Variants in APP observed in about 807,000 individuals in gnomAD.
The protein encoded by APP is amyloid-beta precursor protein.
APP carries 31 observed loss-of-function variants against 101.4 expected under a neutral mutation model. The observed-to-expected ratio is 0.31, with a 90% confidence interval of 0.23 to 0.41. The LOEUF is 0.41. APP is among the 10% of genes least tolerant of loss of function. The pLI is 1.00. For missense variants in APP, 839 were observed against 1,003.7 expected (o/e 0.84, Z 2.22); for synonymous variants, 366 against 364.4 (o/e 1.00, Z -0.05).
intron 3 of APP, among the ~76,000 whole-genome samples, chr21:26,058,396 C>CA (rs915562968): frequency 4.0e-5 from 6 of 151,492 alleles, no homozygotes; most frequent in South Asian, 2.1e-4. Flanking sequence ...TCACCCTGAA[C>CA]AAAAAAAATC....
chr21:25,925,095 C>T (rs2039827124), intron 13 of APP, among the ~76,000 whole-genome samples: 1 of 152,188 alleles, frequency 6.6e-6, no homozygotes, highest in African/African-American at 2.4e-5. Flanking sequence ...TTCTCTCTCC[C>T]CTGACACAGC....
Position 25,904,734 on chromosome 21 carries a change from T to G in APP, c.1963+290A>C, listed in dbSNP as rs562873284. ...TAATCGTCTCTGTTTTTGTTTTGTT[T>G]TGTTTGTTTTAAAGAAAAAAGAAAA... On this transcript the variant is annotated intron_variant, in intron 15 of 17. Coordinates refer to ENST00000346798, the MANE Select transcript of APP (RefSeq NM_000484.4). 4.6e-5 allele frequency among the ~76,000 whole-genome samples: 7 copies of G among 152,090 alleles called. No individual in the cohort carries two copies. In the East Asian group the frequency reaches 1.3e-3, roughly 29 times the overall value.
intron 6 of APP, among the ~76,000 whole-genome samples, chr21:26,011,167 C>A (rs1230813748): frequency 6.6e-6 from 1 of 152,050 alleles, no homozygotes; most frequent in Admixed American, 6.6e-5. Flanking sequence ...CCTCAACCTC[C>A]CAGGTTCAAG....
At chr21:26,087,125 C>G (rs1601425348) in intron 3 of APP, among the ~76,000 whole-genome samples, 1 of 152,220 alleles carries the variant, frequency 6.6e-6, no homozygotes, top group African/African-American at 2.4e-5. Context: ...GCTCTACATA[C>G]TCTACCAGGT....
chr21:25,994,950 AATAG>A (rs1188994614), intron 8 of APP, among the ~76,000 whole-genome samples: 4 of 152,244 alleles, frequency 2.6e-5, no homozygotes, highest in Non-Finnish European at 5.9e-5. Flanking sequence ...GCTGTGATTG[AATAG>A]TCTCTGTAGG....
chr21:25,995,743 G>C (rs948468162), intron 8 of APP, among the ~76,000 whole-genome samples: 1 of 152,144 alleles, frequency 6.6e-6, no homozygotes, highest in African/African-American at 2.4e-5. Context: ...TTTCACAACA[G>C]CAAAAGAAAC....
intron 13 of APP, among the ~76,000 whole-genome samples, chr21:25,914,567 T>C (rs1269929032): frequency 2.0e-5 from 3 of 148,148 alleles, no homozygotes; most frequent in African/African-American, 7.6e-5. Context: ...TTTTTTTTTT[T>C]TTTTGAGACG....
intron 13 of APP, among the ~76,000 whole-genome samples, chr21:25,926,799 C>T (rs141785233): frequency 2.0e-5 from 3 of 151,888 alleles, no homozygotes; most frequent in Non-Finnish European, 2.9e-5. Flanking sequence ...GTCAGGAGAT[C>T]GAGAGCATCC....
At chr21:25,951,774 AAAG>A (rs2041087069) in intron 13 of APP, among the ~76,000 whole-genome samples, 1 of 152,224 alleles carries the variant, frequency 6.6e-6, no homozygotes, top group Non-Finnish European at 1.5e-5. Flanking sequence ...ACAAAAGTAA[AAAG>A]AATAACATGA....
At chr21:26,126,870 CCAAA>C (rs1196069748) in intron 1 of APP, among the ~76,000 whole-genome samples, 1 of 151,940 alleles carries the variant, frequency 6.6e-6, no homozygotes, top group Non-Finnish European at 1.5e-5. Flanking sequence ...ATTGGTTGAA[CCAAA>C]CAGAGTTTCC....
intron 5 of APP, among the ~76,000 whole-genome samples, chr21:26,045,627 C>T (rs2045574573): frequency 6.6e-6 from 1 of 152,116 alleles, no homozygotes; most frequent in African/African-American, 2.4e-5. Context: ...ATATAAACGG[C>T]CCACTGTATC....
chr21:25,915,448 T>C (rs1295028747), intron 13 of APP, among the ~76,000 whole-genome samples: 1 of 152,254 alleles, frequency 6.6e-6, no homozygotes, highest in East Asian at 1.9e-4. Context: ...ATCCAAGTCC[T>C]GGGCTTCATA....
At chr21:25,954,523 C>A in intron 13 of APP, 67 bp downstream of exon 13, 4 of 1,370,888 alleles carry the variant, frequency 2.9e-6, no homozygotes, top group Non-Finnish European at 4.1e-6. Context: ...AGATAACTCA[C>A]TTCCTCAATT....
chr21:25,927,420 A>G (rs1177726343), intron 13 of APP, among the ~76,000 whole-genome samples: 1 of 152,226 alleles, frequency 6.6e-6, no homozygotes, highest in Admixed American at 6.5e-5. Flanking sequence ...ACAGCCCTGT[A>G]TGACGCGGCC....
intron 3 of APP, among the ~76,000 whole-genome samples, chr21:26,074,507 G>A (rs549877610): frequency 1.1e-4 from 17 of 152,304 alleles, no homozygotes; most frequent in African/African-American, 1.9e-4. Context: ...TGTAATTCCA[G>A]CACTAGGCCG....
At chr21:25,991,309 A>T (rs1480830434) in intron 8 of APP, among the ~76,000 whole-genome samples, 1 of 152,088 alleles carries the variant, frequency 6.6e-6, no homozygotes, top group Admixed American at 6.6e-5. Flanking sequence ...CCCCAAAGCT[A>T]TTGGAAAAAA....
At chr21:26,095,179 A>C (rs541248606) in intron 2 of APP, among the ~76,000 whole-genome samples, 9 of 152,134 alleles carry the variant, frequency 5.9e-5, no homozygotes, top group Admixed American at 3.3e-4. Flanking sequence ...GGGTCATCCT[A>C]TGTTGCCCAG....
intron 13 of APP, among the ~76,000 whole-genome samples, chr21:25,930,750 G>A (rs2040112473): frequency 6.6e-6 from 1 of 152,190 alleles, no homozygotes; most frequent in African/African-American, 2.4e-5. Context: ...GCCTACTCGT[G>A]TTTTCTTTAA....
At chr21:25,901,988 T>G (rs565436212) in intron 15 of APP, among the ~76,000 whole-genome samples, 155 of 152,278 alleles carry the variant, frequency 1.0e-3, no homozygotes, top group African/African-American at 3.4e-3. Flanking sequence ...CAGAGTCTAT[T>G]TTTTCTTTGG....
Sources: allele counts gnomAD v4.1 joint callset (sites outside exome capture counted in the v4.1 genomes callset), GRCh38; gene constraint gnomAD v4.1.1; transcripts MANE v1.5; gene names NCBI Gene and HGNC (gene_info 2026-07-23, HGNC 2026-07-21).